The following MARCHF4 variants were observed in gnomAD, a reference collection of about 807,000 sequenced individuals.
MARCHF4 encodes the protein E3 ubiquitin-protein ligase MARCHF4.
A neutral mutation model predicts 43.9 loss-of-function variants in MARCHF4; 14 were observed. The ratio of observed to expected loss-of-function variants is 0.32; its 90% CI spans 0.21 to 0.50. MARCHF4 has a LOEUF of 0.50. Ranked by LOEUF, MARCHF4 falls within the 20% of genes least tolerant of loss-of-function variation. The pLI is 0.98. For missense variants in MARCHF4, 468 were observed against 536.7 expected (o/e 0.87, Z 1.27); for synonymous variants, 226 against 213.3 (o/e 1.06, Z -0.52).
chr2:216,313,753 G>C (rs538162242), intron 1 of MARCHF4, among the ~76,000 whole-genome samples: 15 of 152,244 alleles, frequency 9.9e-5, no homozygotes, highest in African/African-American at 3.6e-4. Context: ...GATTTTTTCA[G>C]GGCTTTCAAA....
intron 1 of MARCHF4, chr2:216,321,756 A>G (rs1249477146): frequency 1.3e-5 from 2 of 152,198 alleles, no homozygotes; most frequent in East Asian, 3.8e-4. Flanking sequence ...TTATCTTCCA[A>G]TATGTCTTCT....
chr2:216,327,268 A>T lies in MARCHF4; in HGVS notation c.516+42477T>A, dbSNP rs1227753814. 3.9e-5 allele frequency among the ~76,000 whole-genome samples: 6 copies of T among 151,972 alleles called. No individual in the cohort carries two copies. The South Asian group carries it at 1.2e-3, about 32-fold the overall frequency. On this transcript the variant is annotated intron_variant, in intron 1 of 3. Transcript: ENST00000273067. ...TTGATAAAAGCCCCATGCCCTTTCT[A>T]TTCCCTATATTCTAAAGTTTTTTGT...
intron 1 of MARCHF4, among the ~76,000 whole-genome samples, chr2:216,315,454 G>C (rs1213132825): frequency 6.6e-6 from 1 of 152,128 alleles, no homozygotes; most frequent in Non-Finnish European, 1.5e-5. Flanking sequence ...CAGTTCTGCA[G>C]AAAAATTTAA....
chr2:216,314,326 CT>C (rs5838577), intron 1 of MARCHF4, among the ~76,000 whole-genome samples: 23,853 of 139,172 alleles, frequency 0.17, 2,757 homozygotes, highest in African/African-American at 0.36. Flanking sequence ...GATGTAACTA[CT>C]TTTTTTTTTT....
Position 216,342,385 on chromosome 2 carries a change from A to G in MARCHF4, c.516+27360T>C, listed in dbSNP as rs190217170. On this transcript the variant is annotated intron_variant, in intron 1 of 3. Transcript: ENST00000273067. The stretch of plus-strand genomic sequence containing the variant: ...TGGAACAAGAGAAGGCAGCTGGTTG[A>G]ACCCAAATCTGCCTGTCTCCAAGGA... Among the ~76,000 whole-genome samples, 110 of 152,318 alleles carry G rather than the reference A, an allele frequency of 7.2e-4. 1 individual carries two copies. The highest frequency in any genetic ancestry group is 8.3e-4 in the South Asian group (4 of 4,826).
At chr2:216,318,042 G>C (rs1691810903) in intron 1 of MARCHF4, 1 of 152,224 alleles carries the variant, frequency 6.6e-6, no homozygotes. Flanking sequence ...GGAAATGAAA[G>C]CATGTTGCTC....
chr2:216,308,195 AGT>A (rs1314752618), intron 1 of MARCHF4, among the ~76,000 whole-genome samples: 1 of 152,232 alleles, frequency 6.6e-6, no homozygotes, highest in Non-Finnish European at 1.5e-5. Flanking sequence ...TGAGCTCAGG[AGT>A]TTGAGAGCAT....
intron 3 of MARCHF4, among the ~76,000 whole-genome samples, chr2:216,264,586 G>C (rs559424738): frequency 2.0e-5 from 3 of 152,112 alleles, no homozygotes; most frequent in Non-Finnish European, 2.9e-5. Context: ...GTTAATCTCC[G>C]GCAGCTAACA....
intron 1 of MARCHF4, among the ~76,000 whole-genome samples, chr2:216,290,116 C>T (rs1574465315): frequency 6.6e-6 from 1 of 151,994 alleles, no homozygotes; most frequent in South Asian, 2.1e-4. Flanking sequence ...AAAAGTAAAC[C>T]ATATATACCT....
chr2:216,341,472 G>A (rs1380351213), intron 1 of MARCHF4, among the ~76,000 whole-genome samples: 1 of 152,158 alleles, frequency 6.6e-6, no homozygotes, highest in Non-Finnish European at 1.5e-5. Flanking sequence ...CTGTGCAAAG[G>A]GTAGCATCTG....
At position 216,370,323 on chromosome 2, in the gene MARCHF4, C is replaced by A; in HGVS notation, c.-63G>T. On this transcript the variant is annotated 5_prime_UTR_variant, in exon 1 of 4. Transcript: ENST00000273067. ...GGAGTCTTAAAAGAGGGGGACAGGACAGGTTTTGGGGGTCCACAGTGGATC... is the reference window on the plus strand; with the variant it reads ...GGAGTCTTAAAAGAGGGGGACAGGAAAGGTTTTGGGGGTCCACAGTGGATC... The A allele has an allele frequency of 6.8e-7, 1 of 1,471,282 alleles. No individual in the cohort carries two copies. The highest frequency in any genetic ancestry group is 9.0e-7 in the Non-Finnish European group (1 of 1,107,718). 91.1% of individuals were successfully genotyped at this position (1,471,282 alleles called of 1,614,324 possible).
chr2:216,352,383 G>A (rs1410994237), intron 1 of MARCHF4, among the ~76,000 whole-genome samples: 1 of 152,228 alleles, frequency 6.6e-6, no homozygotes, highest in Non-Finnish European at 1.5e-5. Context: ...GCTCCAGGGA[G>A]GTCGACACAA....
At chr2:216,367,346 C>T (rs939625081) in intron 1 of MARCHF4, among the ~76,000 whole-genome samples, 1 of 151,940 alleles carries the variant, frequency 6.6e-6, no homozygotes, top group African/African-American at 2.4e-5. Flanking sequence ...CTCTATCCCT[C>T]TCTTTCTCCC....
intron 1 of MARCHF4, among the ~76,000 whole-genome samples, chr2:216,314,702 T>A (rs1691744992): frequency 6.6e-6 from 1 of 152,144 alleles, no homozygotes; most frequent in Non-Finnish European, 1.5e-5. Context: ...TAGGGAAACC[T>A]CCTTTAGGTT....
intron 1 of MARCHF4, among the ~76,000 whole-genome samples, chr2:216,309,638 T>G (rs570442281): frequency 1.1e-4 from 17 of 152,292 alleles, no homozygotes; most frequent in Admixed American, 2.6e-4. Context: ...TGGAAAAAAC[T>G]ATTTTAGTCT....
chr2:216,358,656 GTTTTCTCA>G (rs1365072072), intron 1 of MARCHF4, among the ~76,000 whole-genome samples: 1 of 152,138 alleles, frequency 6.6e-6, no homozygotes, highest in East Asian at 1.9e-4. Flanking sequence ...CTTGCCATGT[GTTTTCTCA>G]TTCATTCACT....
intron 1 of MARCHF4, among the ~76,000 whole-genome samples, chr2:216,324,421 T>C (rs1422624761): frequency 1.3e-5 from 2 of 151,590 alleles, no homozygotes; most frequent in East Asian, 1.9e-4. Flanking sequence ...TCTGAAACTA[T>C]TCCAATCAAT....
Position 216,259,297 on chromosome 2 carries a change from T to A in MARCHF4, c.*15A>T. On this transcript the variant is annotated 3_prime_UTR_variant, in exon 4 of 4. Coordinates refer to ENST00000273067, the MANE Select transcript of MARCHF4 (RefSeq NM_020814.3). ...CCTCAGTGGTGGTCATGGCCTTCCT[T>A]CCGGGCCTCTGCTCTCACACTGTCG... 6.6e-7 allele frequency: 1 copy of A among 1,520,510 alleles called. No individual in the cohort carries two copies. Among genetic ancestry groups the A allele is most frequent in the East Asian group, 2.3e-5 (1 of 43,940 alleles). The allele number at this position is 1,520,510 out of a possible 1,614,324, so 94.2% of individuals were successfully genotyped here. A position where few individuals can be genotyped will look rare whatever the true frequency, so the allele number is the denominator to read the frequency against.
At chr2:216,300,502 C>T (rs1031083122) in intron 1 of MARCHF4, among the ~76,000 whole-genome samples, 1 of 151,758 alleles carries the variant, frequency 6.6e-6, no homozygotes, top group African/African-American at 2.4e-5. Flanking sequence ...TGCCACCACA[C>T]CCAGCTAAAT....
Sources: allele counts gnomAD v4.1 joint callset (sites outside exome capture counted in the v4.1 genomes callset), GRCh38; gene constraint gnomAD v4.1.1; transcripts MANE v1.5; gene names NCBI Gene and HGNC (gene_info 2026-07-23, HGNC 2026-07-21).